The following DMD variants were observed in gnomAD, a reference collection of about 807,000 sequenced individuals.
The protein encoded by DMD is dystrophin, also known as mutant dystrophin.
Under a neutral mutation model 330.1 loss-of-function variants are expected in DMD, and 63 were observed. The ratio of observed to expected loss-of-function variants is 0.19; its 90% confidence interval spans 0.16 to 0.24. DMD has a LOEUF of 0.24. Among genes scored for constraint, DMD ranks in the 10% least tolerant of loss-of-function variants. The pLI is 1.00. For missense variants in DMD, 3,344 were observed against 2,684.1 expected (o/e 1.25, Z -5.43); for synonymous variants, 1,223 against 959.8 (o/e 1.27, Z -5.07).
intron 7 of DMD, among the ~76,000 whole-genome samples, chrX:32,748,353 A>T (rs959053450): frequency 9.1e-6 from 1 of 109,600 alleles, no homozygotes; most frequent in South Asian, 3.9e-4. Context: ...CTCAAAAAAA[A>T]AAAAAAGAAA....
At chrX:33,207,162 T>C (rs898343159) in intron 1 of DMD, among the ~76,000 whole-genome samples, 1 of 111,632 alleles carries the variant, frequency 9.0e-6, no homozygotes, top group African/African-American at 3.3e-5. Context: ...AGAAAATTTA[T>C]ATGCCCTTAA....
intron 2 of DMD, among the ~76,000 whole-genome samples, chrX:32,873,993 C>A (rs1159508529): frequency 8.9e-6 from 1 of 111,772 alleles, no homozygotes; most frequent in Non-Finnish European, 1.9e-5. Context: ...AGTGCAGACT[C>A]GTGTGAGGTC....
At chrX:32,066,491 T>G (rs2096261165) in intron 44 of DMD, among the ~76,000 whole-genome samples, 1 of 111,520 alleles carries the variant, frequency 9.0e-6, no homozygotes, top group Admixed American at 9.6e-5. Context: ...CATGTGTACA[T>G]TTTGTTTTGC....
At chrX:31,155,467 T>A (rs1016954116) in intron 74 of DMD, among the ~76,000 whole-genome samples, 1 of 112,330 alleles carries the variant, frequency 8.9e-6, no homozygotes, top group East Asian at 2.8e-4. Context: ...AAGATTGCCA[T>A]CTAAAAGGAA....
At chrX:31,988,195 G>T (rs901130353) in intron 44 of DMD, among the ~76,000 whole-genome samples, 1 of 110,366 alleles carries the variant, frequency 9.1e-6, no homozygotes, top group African/African-American at 3.3e-5. Context: ...TATTTAAGCC[G>T]GGCATGGTGG....
chrX:31,955,003 CAAAAA>C (rs530305580), intron 45 of DMD, among the ~76,000 whole-genome samples: 1 of 60,275 alleles, frequency 1.7e-5, no homozygotes. Context: ...CTGCCTCTAC[CAAAAA>C]AAAAAAAAAA....
At chrX:32,164,265 G>C (rs1375276992) in intron 44 of DMD, among the ~76,000 whole-genome samples, 1 of 111,935 alleles carries the variant, frequency 8.9e-6, no homozygotes, top group Non-Finnish European at 1.9e-5. Context: ...GGTTGGAACA[G>C]TTAGGAGGCT....
intron 55 of DMD, among the ~76,000 whole-genome samples, chrX:31,558,631 T>A (rs72625593): frequency 0.018 from 1,968 of 109,553 alleles, 17 homozygotes; most frequent in East Asian, 0.037. Flanking sequence ...GAATTATGTC[T>A]GAGTTATATG....
At chrX:31,363,653 C>T (rs1257017468) in intron 60 of DMD, among the ~76,000 whole-genome samples, 2 of 111,891 alleles carry the variant, frequency 1.8e-5, no homozygotes, top group Non-Finnish European at 1.9e-5. Context: ...ACTGGGATTA[C>T]AGGCGTGAGC....
intron 2 of DMD, among the ~76,000 whole-genome samples, chrX:32,965,353 G>T (rs753264563): frequency 1.8e-5 from 2 of 109,812 alleles, no homozygotes; most frequent in African/African-American, 3.3e-5. Context: ...AATTATCCGG[G>T]TGTGGTGGCG....
chrX:32,993,938 C>T (rs1351287100), intron 2 of DMD, among the ~76,000 whole-genome samples: 1 of 110,096 alleles, frequency 9.1e-6, no homozygotes, highest in African/African-American at 3.3e-5. Flanking sequence ...GAAATGAATA[C>T]CTAAAGAAAA....
At position 31,344,175 on chromosome X, in the gene DMD, C is replaced by T. The variant is rs150813155; in HGVS notation, c.9163+4381G>A. On this transcript the variant is annotated intron_variant, in intron 61 of 78. Transcript: ENST00000357033. ...GCTCAAATACGGTTTGGATGGCACA[C>T]CCAATTTCTGGTGCAATTTTCTAGA... 6.0e-3 allele frequency among the ~76,000 whole-genome samples: 658 copies of T among 110,305 alleles called. 6 individuals are homozygous for T. Among genetic ancestry groups the T allele is most frequent in the African/African-American group, 0.02 (615 of 30,305 alleles).
chrX:32,422,985 C>T (rs1267042460), intron 29 of DMD, among the ~76,000 whole-genome samples: 1 of 110,734 alleles, frequency 9.0e-6, no homozygotes, highest in Non-Finnish European at 1.9e-5. Context: ...AGTTGTCAAT[C>T]ATCATAGATA....
At chrX:31,385,090 G>A (rs1405302954) in intron 60 of DMD, among the ~76,000 whole-genome samples, 1 of 111,958 alleles carries the variant, frequency 8.9e-6, no homozygotes, top group Admixed American at 9.5e-5. Flanking sequence ...CTACATGAAG[G>A]TTCACAAGGT....
At chrX:32,905,513 C>T (rs781140195) in intron 2 of DMD, among the ~76,000 whole-genome samples, 9 of 111,631 alleles carry the variant, frequency 8.1e-5, no homozygotes, top group Non-Finnish European at 1.5e-4. Context: ...TCCCCCAACA[C>T]CACCTGCTCT....
chrX:32,088,339 G>T (rs1000225319), intron 44 of DMD, among the ~76,000 whole-genome samples: 29 of 109,960 alleles, frequency 2.6e-4, no homozygotes, highest in Middle Eastern at 4.2e-3. Flanking sequence ...ACTTGTTCGA[G>T]GTCATTTGTT....
At chrX:32,562,509 A>C (rs1205025689) in intron 16 of DMD, among the ~76,000 whole-genome samples, 1 of 112,798 alleles carries the variant, frequency 8.9e-6, no homozygotes, top group Non-Finnish European at 1.9e-5. Flanking sequence ...CTGCCTCACA[A>C]TAGGTTTTAA....
intron 19 of DMD, among the ~76,000 whole-genome samples, chrX:32,493,832 T>C (rs988019937): frequency 9.0e-6 from 1 of 111,731 alleles, no homozygotes; most frequent in East Asian, 2.8e-4. Context: ...TTTCAGCATA[T>C]GTTGAACTTG....
At chrX:31,596,165 T>C (rs2077104560) in intron 55 of DMD, among the ~76,000 whole-genome samples, 1 of 111,591 alleles carries the variant, frequency 9.0e-6, no homozygotes, top group Non-Finnish European at 1.9e-5. Context: ...TAACATAATA[T>C]TGATGAAGGA....
Sources: gnomAD v4.1 joint callset for allele counts (sites outside exome capture counted in the v4.1 genomes callset) on GRCh38, gnomAD v4.1.1 for gene constraint, MANE v1.5 for transcripts, NCBI Gene and HGNC (gene_info 2026-07-23, HGNC 2026-07-21) for gene names.